The following STARD13 variants were observed in gnomAD, a reference collection of about 807,000 sequenced individuals.
STARD13 encodes StAR related lipid transfer domain containing 13.
STARD13 carries 62 observed loss-of-function variants against 106.4 expected under a neutral mutation model. That is an observed-to-expected ratio of 0.58 (90% CI 0.48 to 0.72). STARD13 has a LOEUF of 0.72. STARD13 is among the 30% of genes least tolerant of loss of function. The pLI is 0.00. For synonymous variants in STARD13, 565 were observed against 553.0 expected (o/e 1.02, Z -0.31); for missense variants, 1,387 against 1,424.0 (o/e 0.97, Z 0.42).
At chr13:33,337,595 C>A (rs1424989103) in intron 1 of STARD13, among the ~76,000 whole-genome samples, 1 of 152,170 alleles carries the variant, frequency 6.6e-6, no homozygotes, top group Admixed American at 6.5e-5. Context: ...ATAAAATAAA[C>A]ACTTTCTTTT....
intron 4 of STARD13, among the ~76,000 whole-genome samples, chr13:33,136,077 C>T (rs537188328): frequency 2.9e-4 from 44 of 151,836 alleles, no homozygotes; most frequent in African/African-American, 9.0e-4. Context: ...GCTGAGTTTG[C>T]GCCACTGCAC....
the STARD13 span, among the ~76,000 whole-genome samples, chr13:33,668,894 C>T: frequency 6.6e-6 from 1 of 152,178 alleles, no homozygotes; most frequent in African/African-American, 2.4e-5. Flanking sequence ...TTAAAATTTT[C>T]ATTGAATGGT....
chr13:33,219,911 G>A (rs1053807904), intron 1 of STARD13, among the ~76,000 whole-genome samples: 8 of 151,970 alleles, frequency 5.3e-5, no homozygotes, highest in Non-Finnish European at 1.5e-5. Context: ...GATGGGTAGA[G>A]GAACGCTTTT....
At chr13:33,265,876 G>T (rs1890871438) in intron 1 of STARD13, among the ~76,000 whole-genome samples, 1 of 152,008 alleles carries the variant, frequency 6.6e-6, no homozygotes, top group African/African-American at 2.4e-5. Flanking sequence ...TCAAATTAAT[G>T]GGTTCTTATC....
chr13:33,508,987 T>G, the STARD13 span, among the ~76,000 whole-genome samples: 1 of 152,220 alleles, frequency 6.6e-6, no homozygotes. Context: ...TGTAAACATA[T>G]CTAACATAGA....
At chr13:33,617,171 G>A in the STARD13 span, among the ~76,000 whole-genome samples, 1,598 of 152,336 alleles carry the variant, frequency 0.01, 31 homozygotes, top group African/African-American at 0.037. Flanking sequence ...CCTGGGGGCT[G>A]AATCATAATT....
At chr13:33,185,511 AG>A (rs1246115293) in intron 1 of STARD13, among the ~76,000 whole-genome samples, 1 of 152,158 alleles carries the variant, frequency 6.6e-6, no homozygotes, top group African/African-American at 2.4e-5. Flanking sequence ...CAAATTTCCG[AG>A]GACACTATGA....
chr13:33,640,965 T>C, the STARD13 span, among the ~76,000 whole-genome samples: 1 of 152,240 alleles, frequency 6.6e-6, no homozygotes, highest in Non-Finnish European at 1.5e-5. Flanking sequence ...CACAGGAGCC[T>C]TCAGAATGAA....
At chr13:33,642,840 TAAA>T in the STARD13 span, among the ~76,000 whole-genome samples, 5,244 of 106,672 alleles carry the variant, frequency 0.049, 298 homozygotes, top group African/African-American at 0.14. Context: ...AAACAAACAT[TAAA>T]AAAAAAAAAA....
intron 7 of STARD13, among the ~76,000 whole-genome samples, chr13:33,124,930 C>T (rs557626124): frequency 2.0e-5 from 3 of 152,222 alleles, no homozygotes; most frequent in Admixed American, 6.5e-5. Context: ...AGCAGCCATC[C>T]CACCCTCTGC....
At chr13:33,159,876 A>G (rs185831575) in intron 3 of STARD13, among the ~76,000 whole-genome samples, 1,733 of 152,352 alleles carry the variant, frequency 0.011, 14 homozygotes, top group Non-Finnish European at 0.018. Flanking sequence ...TATTAACACA[A>G]AGACTAAATA....
chr13:33,235,832 G>A (rs767417838), intron 1 of STARD13, among the ~76,000 whole-genome samples: 1 of 152,210 alleles, frequency 6.6e-6, no homozygotes, highest in Non-Finnish European at 1.5e-5. Context: ...TGATTCTAAT[G>A]CATGTGCACA....
chr13:33,189,592 A>G (rs2138497528), intron 1 of STARD13, among the ~76,000 whole-genome samples: 1 of 151,152 alleles, frequency 6.6e-6, no homozygotes, highest in African/African-American at 2.4e-5. Flanking sequence ...CTGTGTATGA[A>G]CCTCCCTCCC....
At chr13:33,381,040 C>G in the STARD13 span, among the ~76,000 whole-genome samples, 1 of 152,060 alleles carries the variant, frequency 6.6e-6, no homozygotes, top group Non-Finnish European at 1.5e-5. Flanking sequence ...CACTGACTGA[C>G]TTTTTTCTAA....
At chr13:33,344,152 TG>T (rs2077993927), downstream of STARD13, among the ~76,000 whole-genome samples, 1 of 152,154 alleles carries the variant, frequency 6.6e-6, no homozygotes, top group East Asian at 1.9e-4. Flanking sequence ...AGACCCCATC[TG>T]AATTGAATCA....
intron 1 of STARD13, among the ~76,000 whole-genome samples, chr13:33,269,399 C>G (rs1466770663): frequency 6.6e-6 from 1 of 152,152 alleles, no homozygotes; most frequent in Non-Finnish European, 1.5e-5. Flanking sequence ...AGGGGAACAC[C>G]AGGCATCCCT....
chr13:33,426,825 C>G, the STARD13 span, among the ~76,000 whole-genome samples: 1 of 152,044 alleles, frequency 6.6e-6, no homozygotes, highest in African/African-American at 2.4e-5. Context: ...TTCGTATTTT[C>G]TATCTGAGAC....
the STARD13 span, among the ~76,000 whole-genome samples, chr13:33,505,883 C>A: frequency 1.3e-5 from 2 of 152,028 alleles, no homozygotes; most frequent in Non-Finnish European, 2.9e-5. Flanking sequence ...TCTCTGAGAC[C>A]CTTCCTGGGG....
At chr13:33,398,738 C>A in the STARD13 span, among the ~76,000 whole-genome samples, 2 of 152,156 alleles carry the variant, frequency 1.3e-5, no homozygotes, top group Non-Finnish European at 2.9e-5. Flanking sequence ...ATTAAAACCA[C>A]AATGAGATAC....
Sources: gnomAD v4.1 joint callset for allele counts (sites outside exome capture counted in the v4.1 genomes callset) on GRCh38, gnomAD v4.1.1 for gene constraint, MANE v1.5 for transcripts, NCBI Gene and HGNC (gene_info 2026-07-23, HGNC 2026-07-21) for gene names.